The following ARG2 variants were observed in gnomAD, a reference collection of about 807,000 sequenced individuals.
ARG2 encodes arginase 2, also known as arginase-2, mitochondrial.
ARG2 carries 21 observed loss-of-function variants against 39.4 expected under a neutral mutation model. The observed-to-expected ratio is 0.53, with a 90% confidence interval of 0.38 to 0.77. The LOEUF (loss-of-function observed/expected upper bound fraction) is 0.77. ARG2 is among the 30% of genes least tolerant of loss of function. ARG2 has a pLI of 0.00. For missense variants in ARG2, 378 were observed against 426.2 expected, an observed-to-expected ratio of 0.89 and a Z score of 1.00; for synonymous variants, 150 against 156.7, an observed-to-expected ratio of 0.96 and a Z score of 0.32.
At chr14:67,622,715 T>A (rs1189430062) in intron 2 of ARG2, among the ~76,000 whole-genome samples, 1 of 152,214 alleles carries the variant, frequency 6.6e-6, no homozygotes, top group Non-Finnish European at 1.5e-5. Context: ...TTATCACTGT[T>A]TTTAAATCCT....
chr14:67,625,488 C>T (rs1466650406), intron 2 of ARG2, among the ~76,000 whole-genome samples: 1 of 151,270 alleles, frequency 6.6e-6, no homozygotes, highest in Non-Finnish European at 1.5e-5. Flanking sequence ...AGACCAGCCT[C>T]AACATGGAGA....
In ARG2 at chr14:67,646,641, T is replaced by A. The variant is rs372136248; in HGVS notation, c.523-3T>A. On this transcript the variant is annotated splice_region_variant and splice_polypyrimidine_tract_variant and intron_variant, in intron 4 of 7. Transcript: ENST00000261783. ...TAATCCTGTCCATTTCTCCCTTTCA[T>A]AGGTACCACAACTCCCAGGATTTTC... The A allele has an allele frequency of 1.2e-4, 188 of 1,599,422 alleles. No homozygotes were observed. The highest frequency in any genetic ancestry group is 1.5e-4 in the Non-Finnish European group (178 of 1,167,106).
chr14:67,631,057 C>G (rs908000275), intron 2 of ARG2, among the ~76,000 whole-genome samples: 1 of 152,204 alleles, frequency 6.6e-6, no homozygotes, highest in Non-Finnish European at 1.5e-5. Context: ...TTATCCCTCC[C>G]CTCACCTCGT....
chr14:67,645,893 G>A, intron 4 of ARG2, 91 bp downstream of exon 4: 1 of 1,439,884 alleles, frequency 6.9e-7, no homozygotes, highest in East Asian at 2.3e-5. Flanking sequence ...TGAAGGGTGG[G>A]TTGAGTGTGG....
rs1215186188 is a variant in ARG2 at position 67,619,958 on chromosome 14, G to A, written c.-20G>A. ...AACCGCGCGGAGCCTCTGCCTTGGAGATTCTCAGTGCTGCGGATCATGTCC... is the reference window on the plus strand; with the variant it reads ...AACCGCGCGGAGCCTCTGCCTTGGAAATTCTCAGTGCTGCGGATCATGTCC... On this transcript the variant is annotated 5_prime_UTR_variant, in exon 1 of 8. Coordinates refer to ENST00000261783, the MANE Select transcript of ARG2 (RefSeq NM_001172.4). 9 of 1,542,512 alleles carry A rather than the reference G, an allele frequency of 5.8e-6. No individual in the cohort carries two copies. Among genetic ancestry groups the A allele is most frequent in the Non-Finnish European group, 7.0e-6 (8 of 1,137,890 alleles).
At chr14:67,643,882 A>G (rs1296859855) in intron 3 of ARG2, among the ~76,000 whole-genome samples, 2 of 124,130 alleles carry the variant, frequency 1.6e-5, no homozygotes, top group Admixed American at 8.6e-5. Flanking sequence ...AAAAAAAAAA[A>G]GACTCAGGTT....
At position 67,646,969 on chromosome 14, in the gene ARG2, T is replaced by C. The variant is rs780911383; in HGVS notation, c.666T>C (p.Ile222=). ...YDIQYFSMRD[I]DRLGIQKVME... The stretch of plus-strand genomic sequence containing the variant: ...TCCAGTATTTTTCCATGAGAGATAT[T>C]GATCGACTTGGTATCCAGAAGGTCA... The change falls in exon 6 of 8, where the codon ATT becomes ATC. Residue 222 remains isoleucine, a synonymous_variant. Transcript: ENST00000261783. 2 of 1,612,936 alleles carry C rather than the reference T, an allele frequency of 1.2e-6. No individual in the cohort carries two copies. The highest frequency in any genetic ancestry group is 1.7e-5 in the Admixed American group (1 of 60,006).
chr14:67,633,109 T>C (rs1483645802), intron 2 of ARG2, among the ~76,000 whole-genome samples: 1 of 152,138 alleles, frequency 6.6e-6, no homozygotes, highest in Non-Finnish European at 1.5e-5. Flanking sequence ...CGTGAGCCAC[T>C]GCGCCCGGCC....
intron 3 of ARG2, among the ~76,000 whole-genome samples, chr14:67,643,145 C>T (rs1026516123): frequency 6.6e-6 from 1 of 152,182 alleles, no homozygotes; most frequent in Non-Finnish European, 1.5e-5. Context: ...CCTAGTGACT[C>T]ATGCAATCAG....
At chr14:67,632,883 T>C (rs1055475676) in intron 2 of ARG2, among the ~76,000 whole-genome samples, 2 of 132,556 alleles carry the variant, frequency 1.5e-5, no homozygotes, top group East Asian at 2.3e-4. Flanking sequence ...TGCAGTGGCG[T>C]GATCTCGGCT....
At chr14:67,634,235 G>C (rs1409387278) in intron 2 of ARG2, among the ~76,000 whole-genome samples, 2 of 152,110 alleles carry the variant, frequency 1.3e-5, no homozygotes, top group East Asian at 1.9e-4. Context: ...TGGTCTCCCA[G>C]ATTTTTAAAA....
At chr14:67,630,554 G>A (rs1288360213) in intron 2 of ARG2, among the ~76,000 whole-genome samples, 1 of 152,160 alleles carries the variant, frequency 6.6e-6, no homozygotes, top group Non-Finnish European at 1.5e-5. Flanking sequence ...AGTTACAAGC[G>A]AGGTTAGTAA....
intron 2 of ARG2, among the ~76,000 whole-genome samples, chr14:67,635,047 C>A (rs896796184): frequency 6.6e-6 from 1 of 152,074 alleles, no homozygotes; most frequent in African/African-American, 2.4e-5. Flanking sequence ...GGGTTTGAGA[C>A]CAGCCTCGGT....
intron 7 of ARG2, chr14:67,650,422 C>G: frequency 2.6e-6 from 1 of 387,674 alleles, no homozygotes; most frequent in South Asian, 3.1e-5. Context: ...CAACACCAAG[C>G]CTTTTCCTTT....
At chr14:67,645,513 CA>C in intron 3 of ARG2, 129 bp from the exon 4 acceptor site, 1 of 1,042,558 alleles carries the variant, frequency 9.6e-7, no homozygotes, top group South Asian at 1.8e-5. Flanking sequence ...TTGCCTCACC[CA>C]AACCCAGTCT....
chr14:67,642,793 CTTTTTTTTTT>C (rs869215946), intron 3 of ARG2, among the ~76,000 whole-genome samples: 10 of 75,518 alleles, frequency 1.3e-4, no homozygotes, highest in South Asian at 6.3e-4. Flanking sequence ...ACTACATTTT[CTTTTTTTTTT>C]TTTTTTTTTT....
In ARG2 at chr14:67,642,315, GAGCTGTGTCAGATGGCTAC is replaced by G; in HGVS notation, c.325_343del (p.Asp109HisfsTer84). The G allele has an allele frequency of 1.2e-6, 2 of 1,614,116 alleles. No homozygotes were observed. Among genetic ancestry groups the G allele is most frequent in the Non-Finnish European group, 1.7e-6 (2 of 1,180,012 alleles). ...CAGGAACTGGCTGAGGTGGTTAGCAGAGCTGTGTCAGATGGCTACAGCTGTGTCACACTGGGAGGAGACC... is the reference window on the plus strand; with the variant it reads ...CAGGAACTGGCTGAGGTGGTTAGCAGAGCTGTGTCACACTGGGAGGAGACC... On this transcript the variant is annotated frameshift_variant, in exon 3 of 8. Coordinates refer to ENST00000261783, the MANE Select transcript of ARG2 (RefSeq NM_001172.4). LOFTEE classifies it high-confidence loss of function.
intron 3 of ARG2, among the ~76,000 whole-genome samples, chr14:67,644,209 C>T (rs1001169827): frequency 6.6e-6 from 1 of 152,164 alleles, no homozygotes; most frequent in Non-Finnish European, 1.5e-5. Flanking sequence ...AGCTGTTGAA[C>T]ATTTTCAAGA....
At chr14:67,623,091 C>T (rs569274224) in intron 2 of ARG2, among the ~76,000 whole-genome samples, 1 of 152,246 alleles carries the variant, frequency 6.6e-6, no homozygotes, top group East Asian at 1.9e-4. Flanking sequence ...TTTAATTGTA[C>T]AATTATATCC....
Sources: allele counts gnomAD v4.1 joint callset (sites outside exome capture counted in the v4.1 genomes callset), GRCh38; gene constraint gnomAD v4.1.1; transcripts MANE v1.5; gene names NCBI Gene and HGNC (gene_info 2026-07-23, HGNC 2026-07-21).